Variants in PTPRD observed in about 807,000 individuals in gnomAD.
PTPRD encodes protein tyrosine phosphatase receptor type D.
Under a neutral mutation model 214.5 loss-of-function variants are expected in PTPRD, and 34 were observed. That is an observed-to-expected ratio of 0.16 (90% CI 0.12 to 0.21). The LOEUF is 0.21. Among genes scored for constraint, PTPRD ranks in the 10% least tolerant of loss-of-function variants. The probability of loss-of-function intolerance (pLI) is 1.00; values close to 1 mark genes in which losing one functional copy is unlikely to be tolerated. For synonymous variants in PTPRD, 1,128 were observed against 845.7 expected (o/e 1.33, Z -5.79); for missense variants, 2,545 against 2,398.7 (o/e 1.06, Z -1.27).
intron 9 of PTPRD, among the ~76,000 whole-genome samples, chr9:9,267,420 C>G (rs1258053455): frequency 6.6e-6 from 1 of 151,196 alleles, no homozygotes; most frequent in Admixed American, 6.6e-5. Context: ...AAAAATCTCT[C>G]ATAAAAGAAA....
chr9:9,378,910 C>T (rs2061466011), intron 9 of PTPRD, among the ~76,000 whole-genome samples: 1 of 151,880 alleles, frequency 6.6e-6, no homozygotes, highest in South Asian at 2.1e-4. Flanking sequence ...CGCTCCTTAT[C>T]AGATGTATCC....
At chr9:8,538,259 A>G (rs2140084851) in intron 14 of PTPRD, among the ~76,000 whole-genome samples, 1 of 151,604 alleles carries the variant, frequency 6.6e-6, no homozygotes, top group South Asian at 2.1e-4. Flanking sequence ...CTTTACCGAA[A>G]TGTATATTTA....
At chr9:9,774,706 G>A (rs892796082) in intron 5 of PTPRD, among the ~76,000 whole-genome samples, 3 of 152,174 alleles carry the variant, frequency 2.0e-5, no homozygotes, top group Non-Finnish European at 4.4e-5. Flanking sequence ...TCATATAGAA[G>A]CCTTGAGGGA....
Position 9,309,237 on chromosome 9 carries a change from TC to T in PTPRD, c.-203+88211del, listed in dbSNP as rs1475405304. Reference sequence around the variant, plus strand: ...TGTTTTTGTTTTTTTTTTTAATTTTTCTTTGCTCTCCCCTATCTCAAACTCA... The same window carrying T: ...TGTTTTTGTTTTTTTTTTTAATTTTTTTTGCTCTCCCCTATCTCAAACTCA... On this transcript the variant is annotated intron_variant, in intron 9 of 45. Transcript: ENST00000381196. Among the ~76,000 whole-genome samples, 5 of 152,052 alleles carry T rather than the reference TC, an allele frequency of 3.3e-5. No homozygotes were observed. The East Asian group carries it at 9.7e-4, about 29-fold the overall frequency.
At chr9:8,978,140 T>C (rs1048406989) in intron 11 of PTPRD, among the ~76,000 whole-genome samples, 9 of 152,058 alleles carry the variant, frequency 5.9e-5, no homozygotes, top group Non-Finnish European at 1.3e-4. Flanking sequence ...TCCATAAGCC[T>C]TAAGTAATTA....
intron 2 of PTPRD, among the ~76,000 whole-genome samples, chr9:10,511,781 T>A (rs1226183819): frequency 1.3e-5 from 2 of 149,714 alleles, no homozygotes; most frequent in Non-Finnish European, 3.0e-5. Flanking sequence ...ACGTTATATA[T>A]CCCTTTACCA....
chr9:8,331,575 A>G lies in PTPRD; in HGVS notation c.5534+7T>C. The G allele has an allele frequency of 6.6e-7, 1 of 1,509,576 alleles. No homozygotes were observed. The allele number at this position is 1,509,576 out of a possible 1,614,324, so 93.5% of individuals were successfully genotyped here. On this transcript the variant is annotated splice_region_variant and intron_variant, in intron 44 of 45. Coordinates refer to ENST00000381196, the MANE Select transcript of PTPRD (RefSeq NM_002839.4). Reference sequence around the variant, plus strand: ...TATCACTGCTTTATTCACAAATGGAAACTTACCTGCAATGGACTGAAATGG... The same window carrying G: ...TATCACTGCTTTATTCACAAATGGAGACTTACCTGCAATGGACTGAAATGG...
chr9:8,514,688 G>T (rs1351048588), intron 21 of PTPRD, among the ~76,000 whole-genome samples: 1 of 151,856 alleles, frequency 6.6e-6, no homozygotes, highest in African/African-American at 2.4e-5. Context: ...TTTCATTATT[G>T]AATACCTACA....
intron 11 of PTPRD, among the ~76,000 whole-genome samples, chr9:8,921,123 C>A (rs2098824978): frequency 6.6e-6 from 1 of 152,048 alleles, no homozygotes; most frequent in Non-Finnish European, 1.5e-5. Flanking sequence ...CGAAGTTATT[C>A]TTTTCTGTCT....
chr9:8,745,403 G>A (rs889474945), intron 11 of PTPRD, among the ~76,000 whole-genome samples: 10 of 152,168 alleles, frequency 6.6e-5, no homozygotes, highest in Non-Finnish European at 1.5e-4. Context: ...TTAGCAAAGA[G>A]ACAATATTAC....
intron 2 of PTPRD, among the ~76,000 whole-genome samples, chr9:10,476,652 C>T (rs186067714): frequency 8.6e-5 from 13 of 151,952 alleles, no homozygotes; most frequent in East Asian, 3.9e-4. Flanking sequence ...AAATTTTATA[C>T]GGAACCAAAA....
intron 44 of PTPRD, among the ~76,000 whole-genome samples, chr9:8,324,558 C>A (rs1219945927): frequency 6.6e-6 from 1 of 152,148 alleles, no homozygotes; most frequent in Non-Finnish European, 1.5e-5. Flanking sequence ...CCACAATAAA[C>A]ATATGTGTGC....
intron 11 of PTPRD, among the ~76,000 whole-genome samples, chr9:8,837,941 C>A (rs2097471249): frequency 6.6e-6 from 1 of 152,086 alleles, no homozygotes; most frequent in Non-Finnish European, 1.5e-5. Flanking sequence ...GTAATATGCC[C>A]ACTTCTTAGA....
intron 11 of PTPRD, among the ~76,000 whole-genome samples, chr9:8,815,598 G>T (rs2096904050): frequency 6.6e-6 from 1 of 151,988 alleles, no homozygotes. Flanking sequence ...CTAATCATGG[G>T]GTCAAAAGTT....
chr9:9,787,572 G>T (rs1166901715), intron 5 of PTPRD, among the ~76,000 whole-genome samples: 1 of 151,476 alleles, frequency 6.6e-6, no homozygotes, highest in Non-Finnish European at 1.5e-5. Context: ...TAAGATTTCA[G>T]AAAAAGAAAA....
At chr9:9,576,886 A>C (rs117535532) in intron 7 of PTPRD, among the ~76,000 whole-genome samples, 3,150 of 152,286 alleles carry the variant, frequency 0.021, 47 homozygotes, top group Admixed American at 0.027. Flanking sequence ...ACACTTTTAA[A>C]AGAATGATGG....
At chr9:9,056,415 G>A (rs141789696) in intron 10 of PTPRD, among the ~76,000 whole-genome samples, 56 of 152,270 alleles carry the variant, frequency 3.7e-4, no homozygotes, top group African/African-American at 1.3e-3. Context: ...AACCCGCATA[G>A]CACAGACCTG....
chr9:9,991,227 C>G (rs1208391007), intron 4 of PTPRD, among the ~76,000 whole-genome samples: 3 of 152,004 alleles, frequency 2.0e-5, no homozygotes, highest in African/African-American at 7.2e-5. Context: ...AGCCACCATG[C>G]CCGGCTGAGT....
At chr9:8,433,259 A>G (rs2095175962) in intron 35 of PTPRD, among the ~76,000 whole-genome samples, 1 of 152,224 alleles carries the variant, frequency 6.6e-6, no homozygotes, top group African/African-American at 2.4e-5. Flanking sequence ...TGGTGTAATT[A>G]AACTTATTCT....
Sources: allele counts gnomAD v4.1 joint callset (sites outside exome capture counted in the v4.1 genomes callset), GRCh38; gene constraint gnomAD v4.1.1; transcripts MANE v1.5; gene names NCBI Gene and HGNC (gene_info 2026-07-23, HGNC 2026-07-21).